The following PCLAF variants were observed in gnomAD, a reference collection of about 807,000 sequenced individuals.
The protein encoded by PCLAF is PCNA clamp associated factor.
Under a neutral mutation model 15.1 loss-of-function variants are expected in PCLAF, and 12 were observed. The observed-to-expected ratio is 0.79, with a 90% CI of 0.51 to 1.29. The LOEUF (loss-of-function observed/expected upper bound fraction) is 1.29. PCLAF is among the 50% of genes most tolerant of loss of function. PCLAF has a pLI of 0.00. For missense variants in PCLAF, 116 were observed against 130.9 expected (o/e 0.89, Z 0.56); for synonymous variants, 33 against 47.1 (o/e 0.70, Z 1.22).
At chr15:64,382,226 C>G (rs1345451907), upstream of PCLAF, among the ~76,000 whole-genome samples, 1 of 151,640 alleles carries the variant, frequency 6.6e-6, no homozygotes, top group South Asian at 2.1e-4. Context: ...CCCGTCTCTA[C>G]AAAAAATATA....
intron 3 of PCLAF, chr15:64,373,623 ATG>A: frequency 6.7e-7 from 1 of 1,502,750 alleles, no homozygotes; most frequent in Admixed American, 2.2e-5. Context: ...AAAGGAACAA[ATG>A]AAGAAACCTG....
At chr15:64,381,165 C>T (rs1232672270) in intron 1 of PCLAF, 127 bp from the exon 2 acceptor site, 17 of 1,186,262 alleles carry the variant, frequency 1.4e-5, no homozygotes, top group Non-Finnish European at 2.1e-5. Flanking sequence ...TACCCTGCCC[C>T]TGCGACTTCC....
At chr15:64,371,757 C>G (rs1217501138) in intron 3 of PCLAF, among the ~76,000 whole-genome samples, 1 of 152,080 alleles carries the variant, frequency 6.6e-6, no homozygotes, top group Non-Finnish European at 1.5e-5. Context: ...CCACCACACC[C>G]AGCTAATTTT....
Position 64,365,792 on chromosome 15 carries a change from T to G in PCLAF, c.*238A>C, listed in dbSNP as rs1228403408. 1 of 489,660 alleles carries G rather than the reference T, an allele frequency of 2.0e-6. No individual in the cohort carries two copies. The highest frequency in any genetic ancestry group is 2.5e-5 in the South Asian group (1 of 40,090). The allele number at this position is 489,660 out of a possible 1,614,324, so 30.3% of individuals were successfully genotyped here. A position where few individuals can be genotyped will look rare whatever the true frequency, so the allele number is the denominator to read the frequency against. On this transcript the variant is annotated 3_prime_UTR_variant, in exon 4 of 4. Coordinates refer to ENST00000300035, the MANE Select transcript of PCLAF (RefSeq NM_014736.6). ...TTGATTTTAGCAAGAACTAGACACT[T>G]AATTTGGTAAAAGAAACCAAACAAT...
intron 3 of PCLAF, among the ~76,000 whole-genome samples, chr15:64,369,736 C>T (rs1346944275): frequency 1.3e-5 from 2 of 152,032 alleles, no homozygotes; most frequent in Non-Finnish European, 2.9e-5. Flanking sequence ...ATGAATAATT[C>T]TCAATATTTT....
intron 2 of PCLAF, among the ~76,000 whole-genome samples, chr15:64,379,928 A>G (rs1304309360): frequency 6.9e-6 from 1 of 144,864 alleles, no homozygotes; most frequent in African/African-American, 2.5e-5. Flanking sequence ...AGAGTAAGGA[A>G]GAAAGGAAAA....
chr15:64,370,911 T>C (rs1296683043), intron 3 of PCLAF, among the ~76,000 whole-genome samples: 3 of 150,076 alleles, frequency 2.0e-5, no homozygotes, highest in African/African-American at 4.9e-5. Context: ...GACAAATTTC[T>C]GGTCTTCACT....
In PCLAF at chr15:64,370,024, G is replaced by A. The variant is rs1248249431; in HGVS notation, c.291-3949C>T. Among the ~76,000 whole-genome samples the A allele has an allele frequency of 2.0e-5, 3 of 151,650 alleles. No individual in the cohort carries two copies. In the East Asian group the frequency reaches 5.8e-4, roughly 29 times the overall value. ...GCTACTATGGCCATATGGGATACAG[G>A]AACAACTAAGCATCAGTGTGTGACC... On this transcript the variant is annotated intron_variant, in intron 3 of 3. Transcript: ENST00000300035.
intron 3 of PCLAF, among the ~76,000 whole-genome samples, chr15:64,375,249 C>A (rs572527100): frequency 6.6e-6 from 1 of 152,084 alleles, no homozygotes; most frequent in Non-Finnish European, 1.5e-5. Flanking sequence ...TTCAGCCTCC[C>A]GAGTAGCTGA....
chr15:64,387,444 T>TA (rs1237913034), intron 1 of PCLAF: 1 of 1,227,666 alleles, frequency 8.1e-7, no homozygotes, highest in Non-Finnish European at 1.0e-6. Flanking sequence ...AGCAAAAACT[T>TA]ACAGCGCTTA....
intron 3 of PCLAF, among the ~76,000 whole-genome samples, chr15:64,372,709 C>T (rs764173813): frequency 6.6e-6 from 1 of 151,780 alleles, no homozygotes; most frequent in Non-Finnish European, 1.5e-5. Context: ...CGCAGTGGCT[C>T]ATGCCTGTAA....
chr15:64,381,354 T>C lies in PCLAF; in HGVS notation c.18A>G (p.Ala6=). 3.1e-6 allele frequency: 5 copies of C among 1,614,180 alleles called. No homozygotes were observed. The highest frequency in any genetic ancestry group is 4.2e-6 in the Non-Finnish European group (5 of 1,180,026). ...TTCTGTAAGTGCCTGGAACACTGTC[T>C]GCTTTAGTCCGCACCATGTTCAAAC... The part of the protein sequence containing the change: MVRTK[A]DSVPGTYRKV... Residue 6 remains alanine (A), a synonymous_variant, in exon 1 of 4, where the codon GCA becomes GCG. Coordinates refer to ENST00000300035, the MANE Select transcript of PCLAF (RefSeq NM_014736.6).
chr15:64,381,806 G>A (rs1021838374), upstream of PCLAF, among the ~76,000 whole-genome samples: 10 of 152,194 alleles, frequency 6.6e-5, no homozygotes, highest in African/African-American at 2.4e-4. Context: ...GACTCCTGGA[G>A]GTGAAACCTG....
At chr15:64,381,488 C>A, upstream of PCLAF, 1 of 1,592,972 alleles carries the variant, frequency 6.3e-7, no homozygotes. Context: ...CTTTCCCGCG[C>A]GCTCCAAGGT....
chr15:64,387,593 T>A, exon 1 of PCLAF: 1 of 1,373,334 alleles, frequency 7.3e-7, no homozygotes, highest in Non-Finnish European at 9.4e-7. Context: ...CTTAGCAGAA[T>A]TGCCAATGGC....
At chr15:64,380,109 G>A (rs568067994) in intron 2 of PCLAF, among the ~76,000 whole-genome samples, 136 of 152,206 alleles carry the variant, frequency 8.9e-4, no homozygotes, top group African/African-American at 3.1e-3. Context: ...ATAGCTGGGC[G>A]TGGTGGATCA....
chr15:64,381,287 GA>G, intron 1 of PCLAF, 38 bp downstream of exon 1: 1 of 1,611,482 alleles, frequency 6.2e-7, no homozygotes, highest in Non-Finnish European at 8.5e-7. Context: ...CTGCCGGGAG[GA>G]CCCCCCCGCC....
At chr15:64,383,915 C>A (rs188782509), upstream of PCLAF, among the ~76,000 whole-genome samples, 5 of 151,048 alleles carry the variant, frequency 3.3e-5, no homozygotes, top group Non-Finnish European at 4.4e-5. Context: ...TTAACACCAA[C>A]GATGATAATG....
chr15:64,374,732 G>T (rs539819481), intron 3 of PCLAF, among the ~76,000 whole-genome samples: 1 of 151,714 alleles, frequency 6.6e-6, no homozygotes, highest in African/African-American at 2.4e-5. Flanking sequence ...TGTAATTCCA[G>T]CTACTTGGAA....
Sources: gnomAD v4.1 joint callset for allele counts (sites outside exome capture counted in the v4.1 genomes callset) on GRCh38, gnomAD v4.1.1 for gene constraint, MANE v1.5 for transcripts, NCBI Gene and HGNC (gene_info 2026-07-23, HGNC 2026-07-21) for gene names.